The following FGD3 variants were observed in gnomAD, a reference collection of about 807,000 sequenced individuals.
FGD3 encodes the protein FYVE, RhoGEF and PH domain-containing protein 3.
FGD3 carries 45 observed loss-of-function variants against 71.8 expected under a neutral mutation model. That is an observed-to-expected ratio of 0.63 (90% CI 0.49 to 0.80). FGD3 has a LOEUF of 0.80. Among genes scored for constraint, FGD3 ranks in the 30% least tolerant of loss-of-function variants. The pLI is 0.00. For missense variants in FGD3, 844 were observed against 951.5 expected (o/e 0.89, Z 1.49); for synonymous variants, 378 against 392.8 (o/e 0.96, Z 0.44).
At chr9:93,020,499 C>G in intron 13 of FGD3, 75 bp downstream of exon 13, 2 of 1,316,016 alleles carry the variant, frequency 1.5e-6, no homozygotes, top group Non-Finnish European at 2.1e-6. Flanking sequence ...GCACTGGCGT[C>G]TGGGTGGGCA....
At position 93,032,617 on chromosome 9, in the gene FGD3, C is replaced by T. The variant is rs540077410; in HGVS notation, c.1681-152C>T. The stretch of plus-strand genomic sequence containing the variant: ...CTCTGCCCTCAGACAGGGCTCCCCT[C>T]AAGGAGAAGCTCTTATCCCTCGCCA... On this transcript the variant is annotated intron_variant, in intron 15 of 17. Transcript: ENST00000375482. 5.3e-6 allele frequency: 4 copies of T among 748,696 alleles called. No individual in the cohort carries two copies. In the East Asian group the frequency reaches 1.0e-4, roughly 19 times the overall value. The allele number at this position is 748,696 out of a possible 1,614,324, so 46.4% of individuals were successfully genotyped here.
intron 13 of FGD3, 167 bp downstream of exon 13, chr9:93,020,591 C>A: frequency 1.6e-6 from 1 of 612,134 alleles, no homozygotes; most frequent in Non-Finnish European, 2.9e-6. Flanking sequence ...AAACTTAAGA[C>A]AAATTAAATT....
chr9:92,949,470 T>C (rs1466654909), intron 1 of FGD3, among the ~76,000 whole-genome samples: 1 of 152,276 alleles, frequency 6.6e-6, no homozygotes, highest in South Asian at 2.1e-4. Flanking sequence ...TCATCATCCC[T>C]GCGTGTCCCT....
At chr9:92,982,172 C>G (rs1860023770) in intron 3 of FGD3, among the ~76,000 whole-genome samples, 2 of 152,172 alleles carry the variant, frequency 1.3e-5, no homozygotes, top group South Asian at 4.1e-4. Context: ...GTATTCTCTG[C>G]TGTACTTTTT....
chr9:93,030,708 G>C (rs1042958598), intron 15 of FGD3, among the ~76,000 whole-genome samples: 3 of 141,566 alleles, frequency 2.1e-5, no homozygotes, highest in Non-Finnish European at 4.7e-5. Flanking sequence ...GCCACATGGC[G>C]GGGGGGCAGC....
intron 1 of FGD3, among the ~76,000 whole-genome samples, chr9:92,959,507 A>G (rs1859129459): frequency 6.6e-6 from 1 of 151,798 alleles, no homozygotes; most frequent in African/African-American, 2.4e-5. Context: ...TGGGAGTTCA[A>G]GGTCAGCCTG....
Position 93,029,936 on chromosome 9 carries a change from C to G in FGD3, c.1620C>G (p.Ser540Arg), listed in dbSNP as rs200522249. Residue 540 changes from serine (S) to arginine (R), a missense_variant, in exon 15 of 18, where the codon AGC (serine) becomes AGG (arginine). By Grantham distance (110) the Ser-to-Arg change is moderately radical. Coordinates refer to ENST00000375482, the MANE Select transcript of FGD3 (RefSeq NM_001083536.2). ...ACAAGGAGAAGCAGAGCTGTAAGAG[C>G]TGTGGTGAGACCTTCAACTCCATCA... is the stretch of plus-strand genomic sequence containing the variant. ...RRDKEKQSCK[S>R]CGETFNSITK... 1.9e-6 allele frequency: 3 copies of G among 1,613,636 alleles called. No individual in the cohort carries two copies. Among genetic ancestry groups the G allele is most frequent in the Non-Finnish European group, 8.5e-7 (1 of 1,179,754 alleles).
At chr9:92,984,252 A>T (rs1860107400) in intron 3 of FGD3, among the ~76,000 whole-genome samples, 1 of 152,220 alleles carries the variant, frequency 6.6e-6, no homozygotes, top group Non-Finnish European at 1.5e-5. Context: ...TGACCTAAAC[A>T]TCCCTCTTTT....
At position 93,011,179 on chromosome 9, in the gene FGD3, G is replaced by A. The variant is rs181071249; in HGVS notation, c.977-35G>A. ...TCAGGCAAGCAAAAACGGAGCCACCGTGGCCCCAGGCTGAACACAGTCTTC... is the reference window on the plus strand; with the variant it reads ...TCAGGCAAGCAAAAACGGAGCCACCATGGCCCCAGGCTGAACACAGTCTTC... On this transcript the variant is annotated intron_variant, in intron 7 of 17. Transcript: ENST00000375482. The A allele has an allele frequency of 6.9e-4, 1,110 of 1,613,228 alleles. 8 individuals are homozygous for A. The African/African-American group carries it at 0.013, about 18-fold the overall frequency.
chr9:92,951,439 G>T (rs1279138508), intron 1 of FGD3, among the ~76,000 whole-genome samples: 1 of 152,224 alleles, frequency 6.6e-6, no homozygotes, highest in Non-Finnish European at 1.5e-5. Context: ...CACTTTGAGA[G>T]GCCGAGATGG....
intron 3 of FGD3, among the ~76,000 whole-genome samples, chr9:92,996,377 T>C (rs547751967): frequency 5.2e-4 from 79 of 152,366 alleles, no homozygotes; most frequent in African/African-American, 1.8e-3. Flanking sequence ...TTCTTCTTTA[T>C]TAGTCTTGCT....
intron 5 of FGD3, among the ~76,000 whole-genome samples, chr9:93,005,467 C>T (rs986038144): frequency 7.2e-5 from 11 of 152,146 alleles, no homozygotes; most frequent in African/African-American, 2.7e-4. Context: ...CACAGTCATG[C>T]CTTAGTGATG....
At chr9:93,011,578 C>T (rs1861382722) in intron 8 of FGD3, among the ~76,000 whole-genome samples, 2 of 152,204 alleles carry the variant, frequency 1.3e-5, no homozygotes, top group South Asian at 4.1e-4. Flanking sequence ...ACTCTATGGG[C>T]CGGGCGCGGT....
At chr9:92,962,355 G>C (rs1859183458) in intron 1 of FGD3, among the ~76,000 whole-genome samples, 1 of 152,188 alleles carries the variant, frequency 6.6e-6, no homozygotes, top group African/African-American at 2.4e-5. Context: ...CTGGCCTTCT[G>C]GCACAGGGGA....
chr9:93,034,429 CTCCACA>C, intron 16 of FGD3, 106 bp from the exon 17 acceptor site: 1 of 1,408,694 alleles, frequency 7.1e-7, no homozygotes, highest in Admixed American at 2.4e-5. Context: ...TTGGCCATGT[CTCCACA>C]GCCAGCTCCC....
chr9:93,030,111 G>A (rs1433043548), intron 15 of FGD3, 115 bp downstream of exon 15: 23 of 1,265,792 alleles, frequency 1.8e-5, no homozygotes, highest in Non-Finnish European at 2.5e-5. Flanking sequence ...CTGCACGGAA[G>A]GGCTTCCTGA....
At position 93,003,190 on chromosome 9, in the gene FGD3, G is replaced by A. The variant is rs536338740; in HGVS notation, c.543+176G>A. On this transcript the variant is annotated intron_variant, in intron 4 of 17. Coordinates refer to ENST00000375482, the MANE Select transcript of FGD3 (RefSeq NM_001083536.2). The surrounding 1 kb of genome is among the most constrained non-coding windows in gnomAD (Gnocchi z 4.1). Reference sequence around the variant, plus strand: ...GTCACCCAAGCTGGAGTGCAGTGGCGCGATCTTGGCTCACTGCAACCTCCG... The same window carrying A: ...GTCACCCAAGCTGGAGTGCAGTGGCACGATCTTGGCTCACTGCAACCTCCG... Among the ~76,000 whole-genome samples, 2 of 151,802 alleles carry A rather than the reference G, an allele frequency of 1.3e-5. No individual in the cohort carries two copies. Among genetic ancestry groups the A allele is most frequent in the African/African-American group, 4.8e-5 (2 of 41,368 alleles).
chr9:93,029,765 C>T, intron 14 of FGD3, 109 bp from the exon 15 acceptor site: 1 of 1,443,908 alleles, frequency 6.9e-7, no homozygotes, highest in East Asian at 2.5e-5. Flanking sequence ...CACTTTTTGC[C>T]TTGAGCCTGT....
chr9:93,014,790 C>T (rs760900815), intron 9 of FGD3, among the ~76,000 whole-genome samples: 20 of 151,944 alleles, frequency 1.3e-4, no homozygotes, highest in African/African-American at 1.9e-4. Flanking sequence ...TACAGGCGTG[C>T]GCCACCACGC....
Sources: gnomAD v4.1 joint callset for allele counts (sites outside exome capture counted in the v4.1 genomes callset) on GRCh38, gnomAD v4.1.1 for gene constraint, Gnocchi (gnomAD v3.1) non-coding constraint, MANE v1.5 for transcripts, NCBI Gene and HGNC (gene_info 2026-07-23, HGNC 2026-07-21) for gene names.